MAP2K4: variants seen among roughly 807,000 people sequenced by gnomAD.
MAP2K4 encodes dual specificity mitogen-activated protein kinase kinase 4.
A neutral mutation model predicts 48.5 loss-of-function variants in MAP2K4; 4 were observed. That is an observed-to-expected ratio of 0.08 (90% CI 0.04 to 0.19). MAP2K4 has a LOEUF of 0.19. MAP2K4 is among the 10% of genes least tolerant of loss of function. The pLI is 1.00. For missense variants in MAP2K4, 258 were observed against 493.3 expected, an observed-to-expected ratio of 0.52 and a Z score of 4.52; for synonymous variants, 166 against 173.1, an observed-to-expected ratio of 0.96 and a Z score of 0.32.
At chr17:12,130,937 A>G (rs1029723985) in intron 9 of MAP2K4, among the ~76,000 whole-genome samples, 3 of 152,166 alleles carry the variant, frequency 2.0e-5, no homozygotes, top group East Asian at 1.9e-4. Context: ...TTACTTCTCT[A>G]TCTAAAGTAT....
chr17:12,131,572 C>T (rs902190071), intron 9 of MAP2K4, among the ~76,000 whole-genome samples: 8 of 152,046 alleles, frequency 5.3e-5, no homozygotes, highest in Non-Finnish European at 1.2e-4. Context: ...TCATGACTTC[C>T]CTCTCCTTGA....
At position 12,032,611 on chromosome 17, in the gene MAP2K4, G is replaced by A. The variant is rs375758586; in HGVS notation, c.115+11610G>A. ...ACCCTAATTTAAATTACAAGTAGAA[G>A]AGAATTCACTTTTAAGATCGTGGTG... On this transcript the variant is annotated intron_variant, in intron 1 of 10. Transcript: ENST00000353533. 2.6e-5 allele frequency among the ~76,000 whole-genome samples: 4 copies of A among 152,128 alleles called. No homozygotes were observed. In the East Asian group the frequency reaches 7.7e-4, roughly 29 times the overall value.
Position 12,020,946 on chromosome 17 carries a change from C to G in MAP2K4, c.60C>G (p.Thr20=), listed in dbSNP as rs1228784687. 7 of 1,217,534 alleles carry G rather than the reference C, an allele frequency of 5.7e-6. No individual in the cohort carries two copies. In the African/African-American group the frequency reaches 1.1e-4, roughly 19 times the overall value. The allele number at this position is 1,217,534 out of a possible 1,614,324, so 75.4% of individuals were successfully genotyped here. Reference sequence around the variant, plus strand: ...CCGGGGGCGGCAGCGGCAGCGGCACCCCCGGCCCCGTAGGGTCCCCGGCGC... The same window carrying G: ...CCGGGGGCGGCAGCGGCAGCGGCACGCCCGGCCCCGTAGGGTCCCCGGCGC... ...GGSGGGSGSG[T]PGPVGSPAPG... The change falls in exon 1 of 11, where the codon ACC becomes ACG. Residue 20 remains threonine, a synonymous_variant. Coordinates refer to ENST00000353533, the MANE Select transcript of MAP2K4 (RefSeq NM_003010.4).
intron 2 of MAP2K4, among the ~76,000 whole-genome samples, chr17:12,080,114 T>TA (rs1256933564): frequency 2.6e-5 from 4 of 152,304 alleles, no homozygotes; most frequent in East Asian, 3.9e-4. Flanking sequence ...TATTAGTACA[T>TA]ACGATTATTC....
chr17:12,143,332 C>T lies in MAP2K4; in HGVS notation c.*2072C>T, dbSNP rs896230052. The T allele has an allele frequency of 4.3e-6, 1 of 232,536 alleles. No homozygotes were observed. The highest frequency in any genetic ancestry group is 2.2e-5 in the African/African-American group (1 of 45,270). The allele number at this position is 232,536 out of a possible 1,614,324, so 14.4% of individuals were successfully genotyped here. On this transcript the variant is annotated 3_prime_UTR_variant, in exon 11 of 11. Coordinates refer to ENST00000353533, the MANE Select transcript of MAP2K4 (RefSeq NM_003010.4). ...TTGTGTGGATGACCACATAAGAAGG[C>T]AATTTTAGTGTATTAATCATAGATT...
chr17:12,027,927 G>A (rs751005866), intron 1 of MAP2K4, among the ~76,000 whole-genome samples: 1 of 152,148 alleles, frequency 6.6e-6, no homozygotes, highest in African/African-American at 2.4e-5. Context: ...GATAGGGAAG[G>A]TGCCATAATC....
At chr17:12,085,747 C>G (rs1338265949) in intron 3 of MAP2K4, among the ~76,000 whole-genome samples, 1 of 152,000 alleles carries the variant, frequency 6.6e-6, no homozygotes, top group Non-Finnish European at 1.5e-5. Flanking sequence ...AGGACTAGAG[C>G]CCTCTGCTGA....
intron 3 of MAP2K4, chr17:12,095,350 C>T (rs902353894): frequency 4.1e-5 from 22 of 536,112 alleles, no homozygotes; most frequent in Admixed American, 1.8e-4. Flanking sequence ...GGTTAAATTG[C>T]CCTGTCTCCT....
At chr17:12,057,707 A>C (rs1970326313) in intron 2 of MAP2K4, among the ~76,000 whole-genome samples, 1 of 152,152 alleles carries the variant, frequency 6.6e-6, no homozygotes, top group South Asian at 2.1e-4. Flanking sequence ...CTCTAAAAAA[A>C]AATGTGTTCC....
chr17:12,138,954 C>T (rs1032971315), intron 9 of MAP2K4, among the ~76,000 whole-genome samples: 5 of 151,900 alleles, frequency 3.3e-5, no homozygotes, highest in Non-Finnish European at 5.9e-5. Flanking sequence ...CTGAAGAGGC[C>T]GATAGTAAAG....
chr17:12,042,079 G>T (rs952321448), intron 1 of MAP2K4, among the ~76,000 whole-genome samples: 3 of 149,996 alleles, frequency 2.0e-5, no homozygotes, highest in African/African-American at 7.3e-5. Context: ...TACTTGGGAG[G>T]CTGAGGCAGG....
chr17:12,059,386 T>C (rs937344299), intron 2 of MAP2K4, among the ~76,000 whole-genome samples: 5 of 152,260 alleles, frequency 3.3e-5, no homozygotes, highest in Non-Finnish European at 4.4e-5. Context: ...GAAGTAGATA[T>C]TCTGTTAAAC....
At chr17:12,071,149 C>T (rs1455689031) in intron 2 of MAP2K4, among the ~76,000 whole-genome samples, 2 of 152,152 alleles carry the variant, frequency 1.3e-5, no homozygotes, top group African/African-American at 4.8e-5. Flanking sequence ...ATTTAGTGCC[C>T]ACCTAATCCA....
At chr17:12,134,299 A>G (rs1973134092) in intron 9 of MAP2K4, among the ~76,000 whole-genome samples, 1 of 152,066 alleles carries the variant, frequency 6.6e-6, no homozygotes. Flanking sequence ...ATTGTACCTA[A>G]GAAATCTAAA....
chr17:12,093,930 G>A (rs1183163461), intron 3 of MAP2K4, among the ~76,000 whole-genome samples: 1 of 152,098 alleles, frequency 6.6e-6, no homozygotes, highest in Admixed American at 6.6e-5. Context: ...ATTACATCAT[G>A]CTTTGAACAA....
At chr17:12,139,810 TTAA>T (rs753630435) in intron 9 of MAP2K4, 26 bp from the exon 10 acceptor site, 3 of 1,476,282 alleles carry the variant, frequency 2.0e-6, no homozygotes, top group South Asian at 2.4e-5. Context: ...AATCTACATT[TTAA>T]TAATGTTATT....
chr17:12,069,529 A>G (rs574374295), intron 2 of MAP2K4: 18 of 162,556 alleles, frequency 1.1e-4, no homozygotes, highest in African/African-American at 4.1e-4. Context: ...AATACTGCAG[A>G]CTTATCTAAT....
intron 3 of MAP2K4, among the ~76,000 whole-genome samples, chr17:12,087,447 G>C (rs1385570380): frequency 6.6e-6 from 1 of 152,130 alleles, no homozygotes. Context: ...ACCAAGGCAT[G>C]TCAAACTTGT....
chr17:12,022,679 T>C (rs1969124812), intron 1 of MAP2K4, among the ~76,000 whole-genome samples: 1 of 152,186 alleles, frequency 6.6e-6, no homozygotes, highest in African/African-American at 2.4e-5. Context: ...TTATAGAGAA[T>C]TGAACATCTC....
Sources: gnomAD v4.1 joint callset for allele counts (sites outside exome capture counted in the v4.1 genomes callset) on GRCh38, gnomAD v4.1.1 for gene constraint, MANE v1.5 for transcripts, NCBI Gene and HGNC (gene_info 2026-07-23, HGNC 2026-07-21) for gene names.